Variants in SLC39A11 observed in about 807,000 individuals in gnomAD.
The protein encoded by SLC39A11 is zinc transporter ZIP11.
Under a neutral mutation model 36.1 loss-of-function variants are expected in SLC39A11, and 33 were observed. The observed-to-expected ratio is 0.91, with a 90% CI of 0.69 to 1.22. SLC39A11 has a LOEUF of 1.22. Ranked by LOEUF, SLC39A11 falls within the 50% of genes most tolerant of loss-of-function variation. SLC39A11 has a pLI of 0.00. For missense variants in SLC39A11, 432 were observed against 430.3 expected (o/e 1.00, Z -0.03); for synonymous variants, 166 against 170.3 (o/e 0.97, Z 0.20).
chr17:72,729,444 TATATA>T (rs2074110932), intron 7 of SLC39A11, among the ~76,000 whole-genome samples: 3 of 7,306 alleles, frequency 4.1e-4, no homozygotes, highest in African/African-American at 8.2e-4. Context: ...TATATATATA[TATATA>T]TATATATATT....
At chr17:72,696,590 C>A (rs2072313169) in intron 7 of SLC39A11, among the ~76,000 whole-genome samples, 4 of 152,050 alleles carry the variant, frequency 2.6e-5, no homozygotes, top group Admixed American at 2.6e-4. Flanking sequence ...ACATATGAGA[C>A]CCACGCTCCT....
intron 5 of SLC39A11, among the ~76,000 whole-genome samples, chr17:72,862,100 T>A (rs748669480): frequency 7.2e-5 from 11 of 152,144 alleles, no homozygotes; most frequent in African/African-American, 1.7e-4. Context: ...CATTTTTTTA[T>A]TGAGTCAGGG....
intron 3 of SLC39A11, among the ~76,000 whole-genome samples, chr17:73,034,573 T>A (rs2058842855): frequency 6.6e-6 from 1 of 152,166 alleles, no homozygotes; most frequent in Non-Finnish European, 1.5e-5. Context: ...GGTTCTCCCA[T>A]ACGGTCCCAC....
intron 5 of SLC39A11, among the ~76,000 whole-genome samples, chr17:72,915,751 C>G (rs1567946436): frequency 1.3e-5 from 2 of 152,250 alleles, no homozygotes; most frequent in South Asian, 4.1e-4. Flanking sequence ...TCCCACGCCT[C>G]GTCAGCCTGG....
At chr17:72,903,483 C>T (rs2082498568) in intron 5 of SLC39A11, among the ~76,000 whole-genome samples, 1 of 152,102 alleles carries the variant, frequency 6.6e-6, no homozygotes, top group Admixed American at 6.5e-5. Flanking sequence ...TGCTCACGCT[C>T]TGTAGTGACC....
rs1026957671 is a variant in SLC39A11 at position 72,786,502 on chromosome 17, A to G, written c.602-49783T>C. On this transcript the variant is annotated intron_variant, in intron 6 of 9. Coordinates refer to ENST00000255559, the MANE Select transcript of SLC39A11 (RefSeq NM_139177.4). ...ATAGGAAAGTAGTCCTAGATACCAA[A>G]ATAAACCCCCCTTGCCATGCCCCCA... 5.9e-5 allele frequency among the ~76,000 whole-genome samples: 9 copies of G among 152,242 alleles called. No homozygotes were observed. In the East Asian group the frequency reaches 1.4e-3, roughly 23 times the overall value.
At chr17:73,076,114 C>CT (rs963204107) in intron 3 of SLC39A11, among the ~76,000 whole-genome samples, 8 of 150,918 alleles carry the variant, frequency 5.3e-5, no homozygotes, top group Admixed American at 2.6e-4. Flanking sequence ...GGAATAATGA[C>CT]TTTTTTTAAT....
At chr17:73,046,402 A>T (rs1026032789) in intron 3 of SLC39A11, among the ~76,000 whole-genome samples, 1 of 152,120 alleles carries the variant, frequency 6.6e-6, no homozygotes, top group Non-Finnish European at 1.5e-5. Context: ...GGAAGGCAGG[A>T]GGTAAGGAGT....
chr17:72,950,934 T>C (rs567877181), intron 4 of SLC39A11, among the ~76,000 whole-genome samples: 2 of 151,948 alleles, frequency 1.3e-5, no homozygotes, highest in East Asian at 3.9e-4. Context: ...TGCTATGAAA[T>C]ATTCAACAAT....
At chr17:72,901,330 T>G (rs928108799) in intron 5 of SLC39A11, among the ~76,000 whole-genome samples, 1 of 152,216 alleles carries the variant, frequency 6.6e-6, no homozygotes, top group African/African-American at 2.4e-5. Context: ...ATAGTCAGTG[T>G]GTGGCTCAGT....
chr17:72,648,872 G>A lies in SLC39A11; in HGVS notation c.860C>T (p.Ala287Val), dbSNP rs750976177. The change falls in exon 9 of 10, where the codon GCT becomes GTT. Residue 287 changes from alanine (A) to valine (V), a missense_variant. Physicochemically the swap from Ala to Val is moderately conservative, Grantham distance 64 (BLOSUM62 0). Coordinates refer to ENST00000255559, the MANE Select transcript of SLC39A11 (RefSeq NM_139177.4). ...CATGGCACCGGCAGCAAAGGCCAGA[G>A]CGTAGGGCAGGATGGGCTCAGCCAG... is the stretch of plus-strand genomic sequence containing the variant. ...VVLAEPILPYALAFAAGAMVY... is the reference protein window; with the variant it reads ...VVLAEPILPYVLAFAAGAMVY... 1.7e-5 allele frequency: 28 copies of A among 1,614,214 alleles called. No individual in the cohort carries two copies. The East Asian group carries it at 3.6e-4, about 21-fold the overall frequency.
In SLC39A11 at chr17:72,849,709, G is replaced by C; in HGVS notation, c.526C>G (p.Leu176Val). 1 of 1,611,418 alleles carries C rather than the reference G, an allele frequency of 6.2e-7. No homozygotes were observed. Among genetic ancestry groups the C allele is most frequent in the Non-Finnish European group, 8.5e-7 (1 of 1,179,136 alleles). Residue 176 changes from leucine to valine, a missense_variant, in exon 6 of 10, where the codon CTG (leucine) becomes GTG (valine). Coordinates refer to ENST00000255559, the MANE Select transcript of SLC39A11 (RefSeq NM_139177.4). Reference sequence around the variant, plus strand: ...CAGCTGCTGCCGCCGGGCTGTGCCAGATTCCCTCGAGAAGGCACAGGGACA... The same window carrying C: ...CAGCTGCTGCCGCCGGGCTGTGCCACATTCCCTCGAGAAGGCACAGGGACA... Reference protein sequence around the residue: ...PAVPVPSRGNLAQPGGSSWRR... With the variant: ...PAVPVPSRGNVAQPGGSSWRR...
chr17:72,740,303 G>T (rs1241852328), intron 6 of SLC39A11, among the ~76,000 whole-genome samples: 1 of 151,970 alleles, frequency 6.6e-6, no homozygotes, highest in Non-Finnish European at 1.5e-5. Context: ...CTGACCTCGT[G>T]ATCTGCCCAC....
intron 6 of SLC39A11, among the ~76,000 whole-genome samples, chr17:72,754,282 C>T (rs999718296): frequency 1.3e-5 from 2 of 151,808 alleles, no homozygotes; most frequent in Non-Finnish European, 2.9e-5. Context: ...CAATGGACTT[C>T]GGGGACTTGG....
At chr17:72,803,325 T>C (rs2077155715) in intron 6 of SLC39A11, among the ~76,000 whole-genome samples, 1 of 152,224 alleles carries the variant, frequency 6.6e-6, no homozygotes, top group Non-Finnish European at 1.5e-5. Flanking sequence ...GCTTGGTAAA[T>C]GACCCCAAAG....
rs932623875 is a variant in SLC39A11 at position 72,792,132 on chromosome 17, C to A, written c.602-55413G>T. On this transcript the variant is annotated intron_variant, in intron 6 of 9. Coordinates refer to ENST00000255559, the MANE Select transcript of SLC39A11 (RefSeq NM_139177.4). ...TAAATAGTATGAAAATAGTGTGAGA[C>A]AGCTGAACATATGACAAGCAATGCT... Among the ~76,000 whole-genome samples, 5 of 152,178 alleles carry A rather than the reference C, an allele frequency of 3.3e-5. 1 individual carries two copies. The South Asian group carries it at 1.0e-3, about 32-fold the overall frequency.
At chr17:72,676,855 G>A (rs770891275) in intron 7 of SLC39A11, among the ~76,000 whole-genome samples, 4 of 152,156 alleles carry the variant, frequency 2.6e-5, no homozygotes, top group Admixed American at 2.0e-4. Context: ...TTCTCTGGTC[G>A]ACAGTATTGT....
At chr17:72,906,146 T>G (rs2082647520) in intron 5 of SLC39A11, among the ~76,000 whole-genome samples, 1 of 152,126 alleles carries the variant, frequency 6.6e-6, no homozygotes, top group Admixed American at 6.5e-5. Context: ...AGACAACACC[T>G]CAAAAGTTCC....
chr17:72,729,106 A>G (rs1457736525), intron 7 of SLC39A11, among the ~76,000 whole-genome samples: 1 of 151,964 alleles, frequency 6.6e-6, no homozygotes, highest in Non-Finnish European at 1.5e-5. Context: ...AGATTATTTT[A>G]TCTTAGCCAG....
Sources: allele counts gnomAD v4.1 joint callset (sites outside exome capture counted in the v4.1 genomes callset), GRCh38; gene constraint gnomAD v4.1.1; transcripts MANE v1.5; gene names NCBI Gene and HGNC (gene_info 2026-07-23, HGNC 2026-07-21).